The following APC variants were observed in gnomAD, a reference collection of about 807,000 sequenced individuals.
APC encodes the protein adenomatous polyposis coli protein.
A neutral mutation model predicts 247.0 loss-of-function variants in APC; 72 were observed. The observed-to-expected ratio is 0.29, with a 90% CI of 0.24 to 0.35. The LOEUF is 0.35. Ranked by LOEUF, APC falls within the 10% of genes least tolerant of loss-of-function variation. The pLI, the probability that APC is intolerant of heterozygous loss-of-function variation, is 1.00. For missense variants in APC, 3,400 were observed against 3,360.7 expected (o/e 1.01, Z -0.29); for synonymous variants, 1,254 against 1,162.5 (o/e 1.08, Z -1.60).
At chr5:112,710,994 C>T (rs1750816436) in intron 1 of APC, among the ~76,000 whole-genome samples, 1 of 152,246 alleles carries the variant, frequency 6.6e-6, no homozygotes, top group African/African-American at 2.4e-5. Flanking sequence ...TAAAAGTTAT[C>T]TGTGACCTCC....
At chr5:112,710,123 A>G (rs770891217) in intron 1 of APC, among the ~76,000 whole-genome samples, 4 of 152,034 alleles carry the variant, frequency 2.6e-5, no homozygotes, top group Non-Finnish European at 5.9e-5. Context: ...CTTTCTGTAG[A>G]CTTACCTTTC....
intron 8 of APC, among the ~76,000 whole-genome samples, chr5:112,805,004 A>G (rs1761225996): frequency 6.6e-6 from 1 of 151,964 alleles, no homozygotes; most frequent in South Asian, 2.1e-4. Flanking sequence ...TTTTGTCTAA[A>G]AAATAAAAAA....
At chr5:112,792,159 T>C (rs1759684549) in intron 6 of APC, among the ~76,000 whole-genome samples, 2 of 151,872 alleles carry the variant, frequency 1.3e-5, no homozygotes, top group African/African-American at 2.4e-5. Context: ...GGCAAAAGAA[T>C]CACTTGAACC....
At chr5:112,784,725 G>A (rs1758752626) in intron 6 of APC, among the ~76,000 whole-genome samples, 1 of 151,962 alleles carries the variant, frequency 6.6e-6, no homozygotes, top group South Asian at 2.1e-4. Flanking sequence ...AAAAAATATG[G>A]GATCTCATTT....
chr5:112,820,152 G>A lies in APC; in HGVS notation c.1312+808G>A, dbSNP rs139720970. On this transcript the variant is annotated intron_variant, in intron 10 of 15. Coordinates refer to ENST00000257430, the MANE Select transcript of APC (RefSeq NM_000038.6). ...GAACCAAAAGCAGTAAGTATGTAAG[G>A]TAAGACCTTCCTTTCACCTGATAAG... Among the ~76,000 whole-genome samples the A allele has an allele frequency of 2.9e-3, 431 of 150,890 alleles. 6 individuals are homozygous for A. The highest frequency in any genetic ancestry group is 0.01 in the African/African-American group (415 of 40,900).
intron 11 of APC, among the ~76,000 whole-genome samples, chr5:112,823,513 A>G (rs1323294153): frequency 6.6e-6 from 1 of 152,208 alleles, no homozygotes; most frequent in Non-Finnish European, 1.5e-5. Flanking sequence ...ACAAGACAGC[A>G]CAAGGTTTTG....
intron 7 of APC, among the ~76,000 whole-genome samples, chr5:112,794,026 G>T (rs1340871934): frequency 7.5e-6 from 1 of 134,156 alleles, no homozygotes; most frequent in African/African-American, 2.8e-5. Context: ...TTTAAGAGAC[G>T]TGGAACTAAG....
At chr5:112,815,635 A>C in intron 9 of APC, 42 bp downstream of exon 9, 4 of 1,513,010 alleles carry the variant, frequency 2.6e-6, no homozygotes, top group Non-Finnish European at 2.7e-6. Flanking sequence ...TGCCATGACT[A>C]CTTTGCTAAG....
rs188714881 is a variant in APC at position 112,819,930 on chromosome 5, C to A, written c.1312+586C>A. Reference sequence around the variant, plus strand: ...AAGTGGTAGACCCAGGAACAGAGCCCAGATCTCCTGACTCTCAGCTCGGTG... The same window carrying A: ...AAGTGGTAGACCCAGGAACAGAGCCAAGATCTCCTGACTCTCAGCTCGGTG... On this transcript the variant is annotated intron_variant, in intron 10 of 15. Transcript: ENST00000257430. Among the ~76,000 whole-genome samples, 822 of 152,146 alleles carry A rather than the reference C, an allele frequency of 5.4e-3. 5 individuals carry two copies. Among genetic ancestry groups the A allele is most frequent in the Non-Finnish European group, 7.5e-3 (510 of 67,990 alleles).
In APC at chr5:112,794,755, C is replaced by G. The variant is rs547201108; in HGVS notation, c.729+2226C>G. Among the ~76,000 whole-genome samples the G allele has an allele frequency of 1.6e-4, 24 of 152,330 alleles. 1 individual carries two copies. The highest frequency in any genetic ancestry group is 3.4e-3 in the Middle Eastern group (1 of 294). Reference sequence around the variant, plus strand: ...GCCACAAATGTTGAGTATCTCCAAGCCACTCACATTTCTGCCCAGTGTGTT... The same window carrying G: ...GCCACAAATGTTGAGTATCTCCAAGGCACTCACATTTCTGCCCAGTGTGTT... On this transcript the variant is annotated intron_variant, in intron 7 of 15. Coordinates refer to ENST00000257430, the MANE Select transcript of APC (RefSeq NM_000038.6).
rs1045067289 is a variant in APC at position 112,780,736 on chromosome 5, A to C, written c.532-54A>C. 5 of 1,285,088 alleles carry C rather than the reference A, an allele frequency of 3.9e-6. No individual in the cohort carries two copies. The African/African-American group carries it at 7.5e-5, about 19-fold the overall frequency. 79.6% of individuals were successfully genotyped at this position (1,285,088 alleles called of 1,614,324 possible). On this transcript the variant is annotated intron_variant, in intron 5 of 15. Transcript: ENST00000257430. Reference sequence around the variant, plus strand: ...GGTTCTTATATGCTTTTTTGCTTTTACTGATTAACGTAAATACAAGATATT... The same window carrying C: ...GGTTCTTATATGCTTTTTTGCTTTTCCTGATTAACGTAAATACAAGATATT...
Position 112,802,692 on chromosome 5 carries a change from C to T in APC, c.834+1309C>T, listed in dbSNP as rs75213515. ...AAAGATTAGAAGAAAATGTGGGTAGCGTTTTTATAATCATGATGTAGGTGG... is the reference window on the plus strand; with the variant it reads ...AAAGATTAGAAGAAAATGTGGGTAGTGTTTTTATAATCATGATGTAGGTGG... On this transcript the variant is annotated intron_variant, in intron 8 of 15. Transcript: ENST00000257430. 4.4e-3 allele frequency among the ~76,000 whole-genome samples: 665 copies of T among 151,916 alleles called. 2 individuals carry two copies. The highest frequency in any genetic ancestry group is 0.015 in the African/African-American group (623 of 41,440).
Position 112,838,231 on chromosome 5 carries a change from G to A in APC, c.2637G>A (p.Gln879=), listed in dbSNP as rs763546422. The A allele has an allele frequency of 3.1e-6, 5 of 1,614,194 alleles. No individual in the cohort carries two copies. The highest frequency in any genetic ancestry group is 4.2e-6 in the Non-Finnish European group (5 of 1,180,042). ...GAACTTCTTCAAAGCGAGGTTTGCA[G>A]ATCTCCACCACTGCAGCCCAGATTG... The part of the protein sequence containing the change: ...NPGTSSKRGL[Q]ISTTAAQIAK... Residue 879 remains glutamine (Q), a synonymous_variant, in exon 16 of 16, where the codon CAG becomes CAA. Transcript: ENST00000257430.
rs876658201 is a variant in APC at position 112,843,744 on chromosome 5, G to A, written c.8150G>A (p.Gly2717Asp). Residue 2717 changes from glycine (G) to aspartate (D), a missense_variant, in exon 16 of 16, where the codon GGT becomes GAT. Transcript: ENST00000257430. The surrounding 1 kb of genome is among the most constrained non-coding windows in gnomAD (Gnocchi z 4.8). ...GGCAGTGTTCCCATGCGTACCGTGG[G>A]TTTGGAAAATCGCCTGAACTCCTTT... ...GNGSVPMRTVGLENRLNSFIQ... is the reference protein window; with the variant it reads ...GNGSVPMRTVDLENRLNSFIQ... 1 of 1,614,086 alleles carries A rather than the reference G, an allele frequency of 6.2e-7. No homozygotes were observed.
chr5:112,790,128 G>A lies in APC; in HGVS notation c.646-2318G>A, dbSNP rs1054862904. On this transcript the variant is annotated intron_variant, in intron 6 of 15. Transcript: ENST00000257430. ...GCCCACCTTGGCCTCCCAGTGTGCC[G>A]GGATTACAGGCCTGAGCCACGGTGC... Among the ~76,000 whole-genome samples, 5 of 152,138 alleles carry A rather than the reference G, an allele frequency of 3.3e-5. No individual in the cohort carries two copies. The East Asian group carries it at 9.6e-4, about 29-fold the overall frequency.
chr5:112,737,863 T>C (rs577877031), upstream of APC: 1 of 985,642 alleles, frequency 1.0e-6, no homozygotes, highest in South Asian at 4.7e-5. Flanking sequence ...GTGGCTGTAT[T>C]GGTGCAGCCC....
chr5:112,833,672 T>C (rs1202782466), intron 14 of APC, among the ~76,000 whole-genome samples: 3 of 152,188 alleles, frequency 2.0e-5, no homozygotes, highest in Admixed American at 2.0e-4. Context: ...AGAGTGTTTC[T>C]GTGGCCATTA....
chr5:112,764,538 G>T (rs563516693), intron 2 of APC, among the ~76,000 whole-genome samples: 1 of 152,300 alleles, frequency 6.6e-6, no homozygotes, highest in Admixed American at 6.5e-5. Flanking sequence ...CAAAGAATAG[G>T]CTTTATTGGT....
At chr5:112,816,787 C>G (rs1762553909) in intron 9 of APC, among the ~76,000 whole-genome samples, 1 of 150,862 alleles carries the variant, frequency 6.6e-6, no homozygotes, top group East Asian at 1.9e-4. Flanking sequence ...GAGCAAAACT[C>G]CATTTCAAAA....
Sources: allele counts gnomAD v4.1 joint callset (sites outside exome capture counted in the v4.1 genomes callset), GRCh38; gene constraint gnomAD v4.1.1; non-coding constraint Gnocchi (gnomAD v3.1); transcripts MANE v1.5; gene names NCBI Gene and HGNC (gene_info 2026-07-23, HGNC 2026-07-21).